SF3B3: variants seen among roughly 807,000 people sequenced by gnomAD.
SF3B3 encodes the protein SAP 130.
A neutral mutation model predicts 139.2 loss-of-function variants in SF3B3; 33 were observed. The observed-to-expected ratio is 0.24, with a 90% CI of 0.18 to 0.32. The LOEUF (loss-of-function observed/expected upper bound fraction) is 0.32. SF3B3 is among the 10% of genes least tolerant of loss of function. SF3B3 has a pLI of 1.00. For missense variants in SF3B3, 818 were observed against 1,509.4 expected (o/e 0.54, Z 7.59); for synonymous variants, 596 against 563.6 (o/e 1.06, Z -0.81).
chr16:70,569,984 C>CTAGT (rs1411064986), intron 23 of SF3B3, 22 bp from the exon 24 acceptor site: 12 of 1,613,572 alleles, frequency 7.4e-6, no homozygotes, highest in Non-Finnish European at 9.3e-6. Flanking sequence ...CACACAGTCA[C>CTAGT]TAGTCTGTTT....
intron 25 of SF3B3, 101 bp from the exon 26 acceptor site, chr16:70,571,571 TA>T: frequency 2.3e-6 from 3 of 1,332,498 alleles, no homozygotes; most frequent in African/African-American, 1.5e-5. Context: ...TCTCAAAAAC[TA>T]AAAAATAAAA....
chr16:70,538,544 T>C lies in SF3B3; in HGVS notation c.963+84T>C, dbSNP rs2050189391. 4 of 1,249,390 alleles carry C rather than the reference T, an allele frequency of 3.2e-6. No homozygotes were observed. The South Asian group carries it at 5.8e-5, about 18-fold the overall frequency. The allele number at this position is 1,249,390 out of a possible 1,614,324, so 77.4% of individuals were successfully genotyped here. On this transcript the variant is annotated intron_variant, in intron 7 of 25. Transcript: ENST00000302516. ...GGTAATACTTTACAAGTTAAAAAAA[T>C]GAGAACTTAGAAAGTAGTTGCCCTT...
intron 8 of SF3B3, among the ~76,000 whole-genome samples, chr16:70,540,276 G>T (rs1303212173): frequency 1.3e-5 from 2 of 151,630 alleles, no homozygotes; most frequent in African/African-American, 4.8e-5. Flanking sequence ...GGCCAAGCTG[G>T]TCTCAAACTC....
At chr16:70,529,816 C>T (rs939071192) in intron 3 of SF3B3, among the ~76,000 whole-genome samples, 3 of 151,880 alleles carry the variant, frequency 2.0e-5, no homozygotes, top group Admixed American at 6.6e-5. Flanking sequence ...CAGCCGGGCA[C>T]GGTGGCTATT....
At chr16:70,530,249 T>A (rs575186513) in intron 3 of SF3B3, among the ~76,000 whole-genome samples, 12 of 151,936 alleles carry the variant, frequency 7.9e-5, no homozygotes, top group Non-Finnish European at 1.3e-4. Context: ...TCCTTCTGTC[T>A]TGGCCTCCCA....
Position 70,528,967 on chromosome 16 carries a change from T to C in SF3B3, c.165T>C (p.Thr55=), listed in dbSNP as rs1413783960. The C allele has an allele frequency of 1.2e-6, 2 of 1,614,158 alleles. No individual in the cohort carries two copies. Among genetic ancestry groups the C allele is most frequent in the Non-Finnish European group, 1.7e-6 (2 of 1,179,982 alleles). Residue 55 remains threonine, a synonymous_variant, in exon 3 of 26, where the codon ACT becomes ACC. Coordinates refer to ENST00000302516, the MANE Select transcript of SF3B3 (RefSeq NM_012426.5). The stretch of plus-strand genomic sequence containing the variant: ...CTGGCAAAGTACATACCCTACTCAC[T>C]GTGGAAGTATTCGGTGTTATCCGGT... The part of the protein sequence containing the change: ...PNTGKVHTLL[T]VEVFGVIRSL...
Position 70,567,846 on chromosome 16 carries a change from T to A in SF3B3, c.2952+310T>A, listed in dbSNP as rs150083171. On this transcript the variant is annotated intron_variant, in intron 21 of 25. Transcript: ENST00000302516. Reference sequence around the variant, plus strand: ...GATTACAGATGCGCGCCACCACGCCTGGCAAATTTTTTGTATCTTTAGTAG... The same window carrying A: ...GATTACAGATGCGCGCCACCACGCCAGGCAAATTTTTTGTATCTTTAGTAG... 1.3e-3 allele frequency among the ~76,000 whole-genome samples: 192 copies of A among 152,250 alleles called. 1 individual carries two copies. Among genetic ancestry groups the A allele is most frequent in the Non-Finnish European group, 1.8e-3 (122 of 68,010 alleles).
At chr16:70,524,967 C>CGCGCCCGGCCCA (rs1202897389) in intron 1 of SF3B3, 1 of 150,204 alleles carries the variant, frequency 6.7e-6, no homozygotes, top group Admixed American at 6.6e-5. Flanking sequence ...TGTGAGACAC[C>CGCGCCCGGCCCA]GCGCCCGGCC....
At chr16:70,554,373 C>T in intron 11 of SF3B3, 73 bp from the exon 12 acceptor site, 5 of 1,447,620 alleles carry the variant, frequency 3.5e-6, no homozygotes, top group South Asian at 1.2e-5. Context: ...CTGAAGAGAA[C>T]TCTTAGTGTT....
chr16:70,543,144 A>C (rs1315141804), intron 9 of SF3B3, among the ~76,000 whole-genome samples: 1 of 151,576 alleles, frequency 6.6e-6, no homozygotes, highest in Non-Finnish European at 1.5e-5. Flanking sequence ...ATGGTGGCTC[A>C]TGCTTGTAAT....
chr16:70,558,562 C>G (rs554196789), intron 15 of SF3B3, among the ~76,000 whole-genome samples: 2 of 152,118 alleles, frequency 1.3e-5, no homozygotes, highest in South Asian at 4.1e-4. Context: ...ACTTAGCAGT[C>G]TTAGTTCTCT....
chr16:70,537,493 TC>T (rs980620443), intron 6 of SF3B3, among the ~76,000 whole-genome samples: 1 of 152,172 alleles, frequency 6.6e-6, no homozygotes, highest in African/African-American at 2.4e-5. Flanking sequence ...CTCCCCTCAA[TC>T]CCCTGGATTA....
intron 14 of SF3B3, 105 bp downstream of exon 14, chr16:70,556,439 G>T: frequency 7.5e-7 from 1 of 1,325,372 alleles, no homozygotes; most frequent in South Asian, 1.3e-5. Flanking sequence ...TCTGAGATCA[G>T]CTGGGTTAGA....
At chr16:70,564,270 G>A (rs1306791137) in intron 18 of SF3B3, among the ~76,000 whole-genome samples, 1 of 152,134 alleles carries the variant, frequency 6.6e-6, no homozygotes, top group Non-Finnish European at 1.5e-5. Context: ...TACTTGGGAG[G>A]CTGAGGCAGG....
At chr16:70,567,976 G>A (rs1245152302) in intron 21 of SF3B3, among the ~76,000 whole-genome samples, 1 of 152,174 alleles carries the variant, frequency 6.6e-6, no homozygotes, top group Non-Finnish European at 1.5e-5. Context: ...GTGAGCCACC[G>A]CACCGGCCCT....
At chr16:70,529,881 C>A (rs1286084291) in intron 3 of SF3B3, among the ~76,000 whole-genome samples, 2 of 151,734 alleles carry the variant, frequency 1.3e-5, no homozygotes, top group African/African-American at 2.4e-5. Context: ...ACCTGTAATC[C>A]CAGCACTTTG....
At chr16:70,525,584 C>CT (rs1254507718) in intron 1 of SF3B3, among the ~76,000 whole-genome samples, 2 of 152,204 alleles carry the variant, frequency 1.3e-5, no homozygotes, top group Non-Finnish European at 2.9e-5. Flanking sequence ...CTCTCTTTTG[C>CT]TTTTTTTGTT....
chr16:70,525,355 A>G (rs1242476575), intron 1 of SF3B3, among the ~76,000 whole-genome samples: 1 of 152,102 alleles, frequency 6.6e-6, no homozygotes, highest in Non-Finnish European at 1.5e-5. Flanking sequence ...CTAGTACTGG[A>G]CTGATCCTCC....
intron 11 of SF3B3, among the ~76,000 whole-genome samples, chr16:70,549,550 T>A (rs1188215623): frequency 2.0e-5 from 3 of 152,220 alleles, no homozygotes; most frequent in Non-Finnish European, 4.4e-5. Flanking sequence ...CCTAGACTGT[T>A]TGAATTAGAA....
Sources: gnomAD v4.1 joint callset for allele counts (sites outside exome capture counted in the v4.1 genomes callset) on GRCh38, gnomAD v4.1.1 for gene constraint, MANE v1.5 for transcripts, NCBI Gene and HGNC (gene_info 2026-07-23, HGNC 2026-07-21) for gene names.